Variants in HMGA2 observed in about 807,000 individuals in gnomAD.
HMGA2 encodes high mobility group protein HMGI-C.
HMGA2 carries 8 observed loss-of-function variants against 19.1 expected under a neutral mutation model. The observed-to-expected ratio is 0.42, with a 90% CI of 0.25 to 0.76. HMGA2 has a LOEUF of 0.76. HMGA2 is among the 30% of genes least tolerant of loss of function. HMGA2 has a pLI of 0.28. For missense variants in HMGA2, 109 were observed against 136.3 expected (o/e 0.80, Z 1.00); for synonymous variants, 60 against 48.8 (o/e 1.23, Z -0.96).
Position 65,892,854 on chromosome 12 carries a change from G to A in HMGA2, c.249+54285G>A, listed in dbSNP as rs529471100. On this transcript the variant is annotated intron_variant, in intron 3 of 4. Coordinates refer to ENST00000403681, the MANE Select transcript of HMGA2 (RefSeq NM_003483.6). ...TGATGCTGCCTCCTGGGGCTGGAAGGGGGCTGACTTCAAGCACAATTATAA... is the reference window on the plus strand; with the variant it reads ...TGATGCTGCCTCCTGGGGCTGGAAGAGGGCTGACTTCAAGCACAATTATAA... Among the ~76,000 whole-genome samples the A allele has an allele frequency of 1.1e-4, 17 of 152,264 alleles. 1 individual carries two copies. The highest frequency in any genetic ancestry group is 1.0e-3 in the Admixed American group (16 of 15,288).
At chr12:65,959,628 A>G (rs1167264732) in intron 4 of HMGA2, among the ~76,000 whole-genome samples, 1 of 152,176 alleles carries the variant, frequency 6.6e-6, no homozygotes, top group African/African-American at 2.4e-5. Context: ...TCATCTGAAC[A>G]TTCCTGAAGC....
chr12:65,855,117 C>T (rs140358013), intron 3 of HMGA2, among the ~76,000 whole-genome samples: 14 of 152,314 alleles, frequency 9.2e-5, no homozygotes, highest in Middle Eastern at 3.4e-3. Context: ...TGAGTACCTG[C>T]TTGCCCTTTG....
chr12:65,892,699 G>A (rs1028761044), intron 3 of HMGA2, among the ~76,000 whole-genome samples: 1 of 152,076 alleles, frequency 6.6e-6, no homozygotes, highest in South Asian at 2.1e-4. Context: ...TCAGGAAAAC[G>A]GTCCCTAAAA....
intron 3 of HMGA2, among the ~76,000 whole-genome samples, chr12:65,907,770 G>A (rs1032780959): frequency 5.3e-5 from 8 of 152,260 alleles, no homozygotes; most frequent in South Asian, 2.1e-4. Flanking sequence ...TGTTGTGGCC[G>A]CATGGTTCTG....
intron 3 of HMGA2, among the ~76,000 whole-genome samples, chr12:65,932,228 T>A (rs1875739200): frequency 6.6e-6 from 1 of 152,184 alleles, no homozygotes; most frequent in South Asian, 2.1e-4. Flanking sequence ...GATAGTTGAG[T>A]TATTGCCTTC....
chr12:65,894,098 C>T (rs527682057), intron 3 of HMGA2, among the ~76,000 whole-genome samples: 9 of 152,262 alleles, frequency 5.9e-5, no homozygotes, highest in Admixed American at 2.6e-4. Flanking sequence ...GCCAACTTAT[C>T]GTGAGCCTGG....
chr12:65,906,933 G>A (rs781306455), intron 3 of HMGA2, among the ~76,000 whole-genome samples: 1 of 152,080 alleles, frequency 6.6e-6, no homozygotes, highest in Non-Finnish European at 1.5e-5. Flanking sequence ...TGTCCTAATT[G>A]CTACAAACAT....
At chr12:65,904,460 C>T (rs554642033) in intron 3 of HMGA2, among the ~76,000 whole-genome samples, 17 of 152,288 alleles carry the variant, frequency 1.1e-4, no homozygotes, top group African/African-American at 3.9e-4. Context: ...TGCAAGCCAC[C>T]TTCTCCAGTT....
At chr12:65,915,101 C>G (rs1875030232) in intron 3 of HMGA2, 13 of 1,613,876 alleles carry the variant, frequency 8.1e-6, no homozygotes, top group Non-Finnish European at 1.1e-5. Context: ...GAAAACATCT[C>G]TGGGAAACAG....
At chr12:65,845,525 T>A (rs2120905599) in intron 3 of HMGA2, among the ~76,000 whole-genome samples, 1 of 152,254 alleles carries the variant, frequency 6.6e-6, no homozygotes, top group South Asian at 2.1e-4. Flanking sequence ...CACCTCAGCC[T>A]CCAAAAGTGT....
chr12:65,886,316 C>G (rs533752278), intron 3 of HMGA2, among the ~76,000 whole-genome samples: 74 of 151,930 alleles, frequency 4.9e-4, no homozygotes, highest in Non-Finnish European at 8.8e-4. Context: ...TCCCTGTCAC[C>G]CTTAGTCCCT....
intron 3 of HMGA2, chr12:65,915,377 G>T: frequency 7.6e-7 from 1 of 1,314,216 alleles, no homozygotes; most frequent in South Asian, 1.5e-5. Context: ...ACTCACTCTA[G>T]GCACATGCAG....
At chr12:65,889,788 A>G (rs1182785109) in intron 3 of HMGA2, among the ~76,000 whole-genome samples, 3 of 152,210 alleles carry the variant, frequency 2.0e-5, no homozygotes, top group Non-Finnish European at 4.4e-5. Context: ...ACCAAGGCAC[A>G]ATGAGGTAAA....
intron 4 of HMGA2, chr12:65,952,580 G>A: frequency 8.2e-7 from 1 of 1,215,082 alleles, no homozygotes; most frequent in Non-Finnish European, 1.1e-6. Flanking sequence ...AAGAGTGGGA[G>A]AGGGGTGCTA....
At chr12:65,923,823 G>A (rs771856553) in intron 3 of HMGA2, among the ~76,000 whole-genome samples, 11 of 152,078 alleles carry the variant, frequency 7.2e-5, no homozygotes, top group East Asian at 5.8e-4. Context: ...CAGCCTGACC[G>A]ACATGGAGAA....
chr12:65,835,412 T>G (rs1258299877), intron 2 of HMGA2, among the ~76,000 whole-genome samples: 2 of 152,174 alleles, frequency 1.3e-5, no homozygotes, highest in Non-Finnish European at 2.9e-5. Context: ...AATGAAAACC[T>G]CCCAGATTGA....
intron 3 of HMGA2, among the ~76,000 whole-genome samples, chr12:65,949,674 C>T (rs1034672013): frequency 6.6e-6 from 1 of 152,156 alleles, no homozygotes; most frequent in Admixed American, 6.5e-5. Flanking sequence ...AACATTCCCT[C>T]GGATGTTTCA....
intron 3 of HMGA2, among the ~76,000 whole-genome samples, chr12:65,872,029 G>T (rs1872734796): frequency 6.6e-6 from 1 of 152,202 alleles, no homozygotes; most frequent in Admixed American, 6.5e-5. Flanking sequence ...ACTGAAGCCA[G>T]TCTGAAGTGG....
At chr12:65,862,538 G>A (rs780523321) in intron 3 of HMGA2, among the ~76,000 whole-genome samples, 3 of 151,818 alleles carry the variant, frequency 2.0e-5, no homozygotes, top group Non-Finnish European at 2.9e-5. Flanking sequence ...AATCTACTTG[G>A]GTGTACAAAA....
Sources: allele counts gnomAD v4.1 joint callset (sites outside exome capture counted in the v4.1 genomes callset), GRCh38; gene constraint gnomAD v4.1.1; transcripts MANE v1.5; gene names NCBI Gene and HGNC (gene_info 2026-07-23, HGNC 2026-07-21).